Variants in ESPNL observed in about 807,000 individuals in gnomAD.
The protein encoded by ESPNL is espin like.
ESPNL carries 49 observed loss-of-function variants against 46.8 expected under a neutral mutation model. The observed-to-expected ratio is 1.05, with a 90% CI of 0.83 to 1.33. The LOEUF is 1.33. ESPNL is among the 40% of genes most tolerant of loss of function. ESPNL has a pLI of 0.00. For missense variants in ESPNL, 1,540 were observed against 1,436.6 expected, an observed-to-expected ratio of 1.07 and a Z score of -1.16; for synonymous variants, 664 against 662.1, an observed-to-expected ratio of 1.00 and a Z score of -0.04.
At chr2:238,117,877 G>A (rs1691851752) in intron 5 of ESPNL, among the ~76,000 whole-genome samples, 1 of 152,160 alleles carries the variant, frequency 6.6e-6, no homozygotes, top group African/African-American at 2.4e-5. Flanking sequence ...CATGGAGGGG[G>A]GAGAGCTCTG....
intron 1 of ESPNL, 25 bp downstream of exon 1, chr2:238,100,738 C>T (rs897431367): frequency 9.3e-6 from 13 of 1,401,802 alleles, no homozygotes; most frequent in Non-Finnish European, 1.0e-5. Flanking sequence ...GGCAGCCTGG[C>T]TCCACGAAGC....
At chr2:238,113,535 G>A (rs1263872097) in intron 4 of ESPNL, among the ~76,000 whole-genome samples, 1 of 152,104 alleles carries the variant, frequency 6.6e-6, no homozygotes, top group East Asian at 1.9e-4. Flanking sequence ...TTATTTCCTT[G>A]TATTTTTATT....
chr2:238,120,342 C>T (rs1470394322), intron 5 of ESPNL, among the ~76,000 whole-genome samples: 2 of 152,162 alleles, frequency 1.3e-5, no homozygotes, highest in African/African-American at 4.8e-5. Context: ...GTGGGGACAG[C>T]AGCAGCTCTG....
chr2:238,130,102 G>A, intron 8 of ESPNL, 26 bp from the exon 9 acceptor site: 2 of 1,592,136 alleles, frequency 1.3e-6, no homozygotes, highest in Non-Finnish European at 1.7e-6. Flanking sequence ...GGCTCACCCT[G>A]CTCACCCTGC....
At position 238,131,088 on chromosome 2, in the gene ESPNL, C is replaced by A. The variant is rs1053496985; in HGVS notation, c.2374C>A (p.Pro792Thr). 14 of 1,542,028 alleles carry A rather than the reference C, an allele frequency of 9.1e-6. No individual in the cohort carries two copies. The African/African-American group carries it at 1.6e-4, about 18-fold the overall frequency. The part of the protein sequence containing the change: ...PGPPSPPSEG[P>T]RLGHLWQQRS... Reference sequence around the variant, plus strand: ...GCCACCCTCCCCGCCCAGCGAGGGCCCCCGGCTGGGCCACCTGTGGCAGCA... The same window carrying A: ...GCCACCCTCCCCGCCCAGCGAGGGCACCCGGCTGGGCCACCTGTGGCAGCA... The change falls in exon 9 of 9, where the codon CCC becomes ACC. Residue 792 changes from proline (P) to threonine (T), a missense_variant. By Grantham distance (38) the Pro-to-Thr change is conservative. Transcript: ENST00000343063.
rs375408365 is a variant in ESPNL at position 238,130,467 on chromosome 2, G to C, written c.1753G>C (p.Gly585Arg). The C allele has an allele frequency of 6.2e-7, 1 of 1,600,648 alleles. No individual in the cohort carries two copies. Among genetic ancestry groups the C allele is most frequent in the Non-Finnish European group, 8.5e-7 (1 of 1,174,106 alleles). ...GSAEASEVAP[G>R]VQPLPFWCSH... is the part of the protein sequence containing the mutation. ...TGCGGAGGCCTCAGAGGTGGCCCCC[G>C]GGGTGCAGCCCCTGCCCTTCTGGTG... Residue 585 changes from glycine to arginine, a missense_variant, in exon 9 of 9, where the codon GGG (glycine) becomes CGG (arginine). Transcript: ENST00000343063.
intron 3 of ESPNL, among the ~76,000 whole-genome samples, chr2:238,107,525 A>T (rs190588236): frequency 4.8e-5 from 7 of 146,720 alleles, no homozygotes; most frequent in African/African-American, 1.8e-4. Flanking sequence ...ATTTGCCATG[A>T]TGTTTGCTTT....
intron 2 of ESPNL, among the ~76,000 whole-genome samples, chr2:238,103,610 GCTGCATCATGGC>G (rs1391576399): frequency 1.3e-5 from 2 of 152,194 alleles, no homozygotes; most frequent in Non-Finnish European, 2.9e-5. Context: ...CGACCCACTG[GCTGCATCATGGC>G]CTGCTCCCAG....
At chr2:238,109,112 G>A (rs181136059) in intron 4 of ESPNL, among the ~76,000 whole-genome samples, 77 of 152,334 alleles carry the variant, frequency 5.1e-4, no homozygotes, top group African/African-American at 1.8e-3. Context: ...CAGGCCCTGG[G>A]AGGCATGTCC....
intron 5 of ESPNL, among the ~76,000 whole-genome samples, chr2:238,124,675 G>GTGTGTGTGCAGGAGAGTACGTGCA (rs771283428): frequency 6.9e-6 from 1 of 145,296 alleles, no homozygotes; most frequent in African/African-American, 2.6e-5. Flanking sequence ...GTGTACATGT[G>GTGTGTGTGCAGGAGAGTACGTGCA]TGTGTGTGCA....
At chr2:238,116,536 T>G (rs986839235) in intron 4 of ESPNL, among the ~76,000 whole-genome samples, 1 of 151,994 alleles carries the variant, frequency 6.6e-6, no homozygotes, top group South Asian at 2.1e-4. Context: ...CTGAGCCTCG[T>G]CTCTTCACGT....
chr2:238,102,122 C>T lies in ESPNL; in HGVS notation c.476C>T (p.Ala159Val), dbSNP rs927822017. ...DLTCLKLLTA[A>V]HGSSVNRRTR... is the part of the protein sequence containing the mutation. ...ACCTGCCTCAAGCTCCTGACAGCCG[C>T]GCATGGCAGGTAAGGAGCCCAAAGT... Residue 159 changes from alanine (A) to valine (V), a missense_variant, in exon 2 of 9, where the codon GCG becomes GTG. By Grantham distance (64) the Ala-to-Val change is moderately conservative. Coordinates refer to ENST00000343063, the MANE Select transcript of ESPNL (RefSeq NM_194312.4). 1.5e-5 allele frequency: 23 copies of T among 1,544,368 alleles called. No homozygotes were observed. The highest frequency in any genetic ancestry group is 1.7e-5 in the Non-Finnish European group (20 of 1,144,024).
In ESPNL at chr2:238,112,215, G is replaced by A. The variant is rs1348571318; in HGVS notation, c.855+4242G>A. ...ACTACTAGGGCTTTCTATTTTTTAT[G>A]TGTTGGTTTCAGCAAATTATATTTT... On this transcript the variant is annotated intron_variant, in intron 4 of 8. Transcript: ENST00000343063. Among the ~76,000 whole-genome samples the A allele has an allele frequency of 2.0e-5, 3 of 147,604 alleles. No homozygotes were observed. In the East Asian group the frequency reaches 5.8e-4, roughly 28 times the overall value.
chr2:238,107,980 T>G lies in ESPNL; in HGVS notation c.855+7T>G. ...AGAGAACGGGCAGATGGAGGTAAGG[T>G]GGGCGTGAGGGAGACAGGGTGAGCA... On this transcript the variant is annotated splice_region_variant and intron_variant, in intron 4 of 8. Transcript: ENST00000343063. The G allele has an allele frequency of 6.2e-7, 1 of 1,606,556 alleles. No individual in the cohort carries two copies. Among genetic ancestry groups the G allele is most frequent in the Non-Finnish European group, 8.5e-7 (1 of 1,176,006 alleles).
intron 5 of ESPNL, among the ~76,000 whole-genome samples, chr2:238,118,360 GGAATGGATGGAGGA>G (rs1559263255): frequency 2.6e-4 from 35 of 136,400 alleles, no homozygotes; most frequent in African/African-American, 6.1e-4. Context: ...GGATGGAGGA[GGAATGGATGGAGGA>G]GGTGGATGGA....
Position 238,129,639 on chromosome 2 carries a change from TC to T in ESPNL, c.1414-487del, listed in dbSNP as rs1471199376. Reference sequence around the variant, plus strand: ...TGCAGACAGGAGTTCAGGAATTATGTCCTCAGAGTCCTATGATTTTGTCAAG... The same window carrying T: ...TGCAGACAGGAGTTCAGGAATTATGTCTCAGAGTCCTATGATTTTGTCAAG... On this transcript the variant is annotated intron_variant, in intron 8 of 8. Transcript: ENST00000343063. 2.6e-5 allele frequency among the ~76,000 whole-genome samples: 4 copies of T among 152,366 alleles called. No individual in the cohort carries two copies. In the East Asian group the frequency reaches 7.7e-4, roughly 29 times the overall value.
intron 5 of ESPNL, among the ~76,000 whole-genome samples, chr2:238,124,498 GA>G (rs1300491148): frequency 6.6e-6 from 1 of 152,226 alleles, no homozygotes; most frequent in Non-Finnish European, 1.5e-5. Context: ...GTTCCAGGCG[GA>G]CCACAGCACA....
rs1435122967 is a variant in ESPNL at position 238,119,860 on chromosome 2, G to A, written c.987+2826G>A. Among the ~76,000 whole-genome samples the A allele has an allele frequency of 3.3e-5, 5 of 151,982 alleles. No individual in the cohort carries two copies. In the East Asian group the frequency reaches 7.7e-4, roughly 24 times the overall value. On this transcript the variant is annotated intron_variant, in intron 5 of 8. Coordinates refer to ENST00000343063, the MANE Select transcript of ESPNL (RefSeq NM_194312.4). ...CCTCAGAGCATCTGGGACCAACTGG[G>A]GCAGAGCCACAGTCCCCCCCACCCC...
At chr2:238,110,553 A>T (rs56095781) in intron 4 of ESPNL, among the ~76,000 whole-genome samples, 318 of 10,092 alleles carry the variant, frequency 0.032, 1 homozygote, top group Non-Finnish European at 0.034. Context: ...GTGTCCCTTT[A>T]CTGTCCCAGG....
Sources: allele counts gnomAD v4.1 joint callset (sites outside exome capture counted in the v4.1 genomes callset), GRCh38; gene constraint gnomAD v4.1.1; transcripts MANE v1.5; gene names NCBI Gene and HGNC (gene_info 2026-07-23, HGNC 2026-07-21).